The following AFDN variants were observed in gnomAD, a reference collection of about 807,000 sequenced individuals.
The protein encoded by AFDN is afadin, adherens junction formation factor, also known as afadin.
In AFDN, 68 loss-of-function variants were observed where a neutral mutation model predicts 216.6. The ratio of observed to expected loss-of-function variants is 0.31; its 90% confidence interval spans 0.26 to 0.38. The LOEUF (loss-of-function observed/expected upper bound fraction) is 0.38, where lower values mean the gene tolerates loss of function less well. Among genes scored for constraint, AFDN ranks in the 10% least tolerant of loss-of-function variants. The pLI is 1.00. For missense variants in AFDN, 2,136 were observed against 2,342.0 expected (o/e 0.91, Z 1.82); for synonymous variants, 868 against 853.7 (o/e 1.02, Z -0.29).
chr6:167,944,695 T>C (rs1481377834), intron 26 of AFDN, among the ~76,000 whole-genome samples: 2 of 152,114 alleles, frequency 1.3e-5, no homozygotes, highest in Non-Finnish European at 2.9e-5. Context: ...TCCTAGGCTG[T>C]AGACCTGCAC....
intron 1 of AFDN, among the ~76,000 whole-genome samples, chr6:167,839,842 C>G (rs1171138367): frequency 6.6e-6 from 1 of 152,190 alleles, no homozygotes; most frequent in Non-Finnish European, 1.5e-5. Flanking sequence ...TGGTGGGAAT[C>G]AGGCACATGG....
Position 167,827,252 on chromosome 6 carries a change from G to GC in AFDN, c.105+16dup. 9.1e-7 allele frequency: 1 copy of GC among 1,097,662 alleles called. No individual in the cohort carries two copies. 68.0% of individuals were successfully genotyped at this position (1,097,662 alleles called of 1,614,324 possible). On this transcript the variant is annotated intron_variant, in intron 1 of 33. Transcript: ENST00000683244. ...AGCCGACCGAGGTGAGCACCGCCGGGCGCGGGGCCTGCGCGACCCCCGCCC... is the reference window on the plus strand; with the variant it reads ...AGCCGACCGAGGTGAGCACCGCCGGGCCGCGGGGCCTGCGCGACCCCCGCCC...
At chr6:167,918,323 A>G (rs1344129174) in intron 20 of AFDN, among the ~76,000 whole-genome samples, 2 of 152,224 alleles carry the variant, frequency 1.3e-5, no homozygotes, top group East Asian at 1.9e-4. Context: ...CCGGTCTTTT[A>G]TATTTTACAT....
intron 4 of AFDN, among the ~76,000 whole-genome samples, chr6:167,874,071 G>A (rs1482731573): frequency 6.6e-6 from 1 of 152,134 alleles, no homozygotes; most frequent in Non-Finnish European, 1.5e-5. Context: ...GCTCATACAT[G>A]AACAAAAATC....
At chr6:167,950,300 T>C (rs3823457) in intron 29 of AFDN, among the ~76,000 whole-genome samples, 19,627 of 152,174 alleles carry the variant, frequency 0.13, 1,517 homozygotes, top group South Asian at 0.22. Context: ...TCAGACCTCA[T>C]AGTGATCATG....
In AFDN at chr6:167,947,837, C is replaced by T. The variant is rs1189582286; in HGVS notation, c.3554-16C>T. The T allele has an allele frequency of 7.0e-6, 11 of 1,565,590 alleles. No homozygotes were observed. Among genetic ancestry groups the T allele is most frequent in the Non-Finnish European group, 8.7e-6 (10 of 1,144,196 alleles). ...TTTAATATTACACTTTTTTTTTTCC[C>T]CCCTGACTTGAGCAGATCAGCCTCC... On this transcript the variant is annotated splice_polypyrimidine_tract_variant and intron_variant, in intron 27 of 33. Coordinates refer to ENST00000683244, the MANE Select transcript of AFDN (RefSeq NM_001386888.1).
intron 32 of AFDN, chr6:167,966,349 G>A: frequency 2.4e-6 from 3 of 1,261,540 alleles, no homozygotes; most frequent in Non-Finnish European, 3.1e-6. Context: ...CACTTGCCCT[G>A]TAGTATGGTC....
At chr6:167,887,433 C>T (rs568803992) in intron 6 of AFDN, among the ~76,000 whole-genome samples, 148 of 148,160 alleles carry the variant, frequency 1.0e-3, no homozygotes, top group Non-Finnish European at 1.5e-3. Context: ...TCTTTATCTT[C>T]TCAGCTTGCC....
intron 23 of AFDN, among the ~76,000 whole-genome samples, chr6:167,935,047 T>G (rs2128578739): frequency 6.6e-6 from 1 of 152,348 alleles, no homozygotes; most frequent in South Asian, 2.1e-4. Context: ...TTTTGATAAC[T>G]TTTTGTTCAT....
chr6:167,961,675 AC>A (rs1797050956), intron 30 of AFDN, among the ~76,000 whole-genome samples: 2 of 152,248 alleles, frequency 1.3e-5, no homozygotes. Context: ...TAACATAAGA[AC>A]TTCTTGACTA....
chr6:167,902,224 T>G, intron 11 of AFDN, 93 bp from the exon 12 acceptor site: 1 of 898,770 alleles, frequency 1.1e-6, no homozygotes, highest in Non-Finnish European at 1.7e-6. Context: ...CTTTGACATT[T>G]GGTATTTTAG....
At chr6:167,852,048 ACT>A (rs1348145464) in intron 1 of AFDN, among the ~76,000 whole-genome samples, 8 of 152,116 alleles carry the variant, frequency 5.3e-5, no homozygotes, top group Non-Finnish European at 7.4e-5. Context: ...TTTTAGGTGC[ACT>A]GTTTTTTAAA....
chr6:167,923,659 C>T (rs913159419), intron 22 of AFDN, among the ~76,000 whole-genome samples: 3 of 139,728 alleles, frequency 2.1e-5, no homozygotes, highest in East Asian at 4.3e-4. Flanking sequence ...GAGTCTCGCT[C>T]AGTCGCCCAG....
chr6:167,891,701 T>C (rs1787638015), intron 8 of AFDN, among the ~76,000 whole-genome samples: 1 of 152,118 alleles, frequency 6.6e-6, no homozygotes, highest in African/African-American at 2.4e-5. Context: ...CATTCCTAGG[T>C]AGAGTGTATA....
At chr6:167,839,385 C>G (rs1236068334) in intron 1 of AFDN, among the ~76,000 whole-genome samples, 1 of 151,910 alleles carries the variant, frequency 6.6e-6, no homozygotes, top group East Asian at 1.9e-4. Flanking sequence ...ATGGCTTAGC[C>G]CTATTAAAAT....
intron 2 of AFDN, among the ~76,000 whole-genome samples, chr6:167,865,486 G>T (rs902016913): frequency 1.3e-5 from 2 of 152,112 alleles, no homozygotes; most frequent in Non-Finnish European, 2.9e-5. Context: ...GATGGCACAT[G>T]CCTGTAGTCC....
intron 1 of AFDN, among the ~76,000 whole-genome samples, chr6:167,855,805 T>C (rs941681941): frequency 2.0e-5 from 3 of 152,096 alleles, no homozygotes; most frequent in African/African-American, 7.2e-5. Flanking sequence ...TACAACACTT[T>C]TAGGGTAAAA....
chr6:167,951,059 G>A lies in AFDN; in HGVS notation c.3832-127G>A, dbSNP rs1795920759. On this transcript the variant is annotated intron_variant, in intron 29 of 33. Coordinates refer to ENST00000683244, the MANE Select transcript of AFDN (RefSeq NM_001386888.1). This position sits in a 1 kb window ranked among gnomAD's most constrained non-coding sequence, Gnocchi z 7.1. ...CCACATTAGCCAATGAGCCTTGTAGGGCAGTCTCAGTCTCTTTCTGTACAC... is the reference window on the plus strand; with the variant it reads ...CCACATTAGCCAATGAGCCTTGTAGAGCAGTCTCAGTCTCTTTCTGTACAC... 5.9e-6 allele frequency: 8 copies of A among 1,345,672 alleles called. No individual in the cohort carries two copies. The Admixed American group carries it at 1.5e-4, about 26-fold the overall frequency. The allele number at this position is 1,345,672 out of a possible 1,614,324, so 83.4% of individuals were successfully genotyped here.
intron 31 of AFDN, chr6:167,964,661 T>A: frequency 2.8e-6 from 3 of 1,055,546 alleles, no homozygotes; most frequent in Non-Finnish European, 3.4e-6. Context: ...TGTGTGTGTG[T>A]AGCTCTAGAG....
Sources: allele counts gnomAD v4.1 joint callset (sites outside exome capture counted in the v4.1 genomes callset), GRCh38; gene constraint gnomAD v4.1.1; non-coding constraint Gnocchi (gnomAD v3.1); transcripts MANE v1.5; gene names NCBI Gene and HGNC (gene_info 2026-07-23, HGNC 2026-07-21).